Variants in APBA1 observed in about 807,000 individuals in gnomAD.
APBA1 encodes the protein amyloid beta precursor protein binding family A member 1.
In APBA1, 55 loss-of-function variants were observed where a neutral mutation model predicts 86.6. That is an observed-to-expected ratio of 0.64 (90% CI 0.51 to 0.80). The LOEUF is 0.80. Among genes scored for constraint, APBA1 ranks in the 30% least tolerant of loss-of-function variants. APBA1 has a pLI of 0.00. For synonymous variants in APBA1, 511 were observed against 493.9 expected, an observed-to-expected ratio of 1.03 and a Z score of -0.46; for missense variants, 1,090 against 1,183.0, an observed-to-expected ratio of 0.92 and a Z score of 1.15.
intron 1 of APBA1, among the ~76,000 whole-genome samples, chr9:69,643,795 G>C (rs192589888): frequency 6.6e-6 from 1 of 152,186 alleles, no homozygotes; most frequent in Non-Finnish European, 1.5e-5. Flanking sequence ...ATGGAGCAGA[G>C]AAGAAATGAT....
chr9:69,595,968 A>T (rs1282514490), intron 1 of APBA1, among the ~76,000 whole-genome samples: 1 of 151,958 alleles, frequency 6.6e-6, no homozygotes, highest in African/African-American at 2.4e-5. Flanking sequence ...TTATTGATTG[A>T]TTGTTTTGTT....
At chr9:69,561,630 AT>A (rs202003478) in intron 1 of APBA1, among the ~76,000 whole-genome samples, 5,231 of 142,512 alleles carry the variant, frequency 0.037, 284 homozygotes, top group African/African-American at 0.12. Flanking sequence ...TATCTACAGG[AT>A]TTTTTTTTTT....
At chr9:69,595,798 T>C (rs1822215636) in intron 1 of APBA1, among the ~76,000 whole-genome samples, 1 of 152,112 alleles carries the variant, frequency 6.6e-6, no homozygotes, top group South Asian at 2.1e-4. Flanking sequence ...AGGGTAGCTC[T>C]TTCAGTATCT....
intron 10 of APBA1, among the ~76,000 whole-genome samples, chr9:69,442,398 C>T (rs1056269089): frequency 6.6e-6 from 1 of 151,950 alleles, no homozygotes; most frequent in East Asian, 1.9e-4. Flanking sequence ...GGACTCCCAT[C>T]TATAAGGCCA....
Position 69,497,825 on chromosome 9 carries a change from G to A in APBA1, c.1200+18186C>T, listed in dbSNP as rs142641142. Among the ~76,000 whole-genome samples the A allele has an allele frequency of 4.0e-3, 611 of 152,114 alleles. 7 individuals are homozygous for A. The highest frequency in any genetic ancestry group is 0.014 in the African/African-American group (589 of 41,496). The stretch of plus-strand genomic sequence containing the variant: ...GGTTTCATCGTCCATCGGTCACTTC[G>A]GGATCTGCAAATCTGCCTCATCTCA... On this transcript the variant is annotated intron_variant, in intron 2 of 12. Coordinates refer to ENST00000265381, the MANE Select transcript of APBA1 (RefSeq NM_001163.4).
chr9:69,528,560 T>C (rs1178324046), intron 1 of APBA1, among the ~76,000 whole-genome samples: 1 of 152,090 alleles, frequency 6.6e-6, no homozygotes, highest in East Asian at 1.9e-4. Flanking sequence ...TGGTATAAAA[T>C]CAAAAATACC....
intron 1 of APBA1, among the ~76,000 whole-genome samples, chr9:69,538,689 T>C (rs1226461151): frequency 6.6e-6 from 1 of 152,236 alleles, no homozygotes; most frequent in South Asian, 2.1e-4. Flanking sequence ...TCCTGACTCC[T>C]GATCCAAGAC....
At chr9:69,537,811 G>A (rs1453916830) in intron 1 of APBA1, among the ~76,000 whole-genome samples, 1 of 151,750 alleles carries the variant, frequency 6.6e-6, no homozygotes, top group African/African-American at 2.4e-5. Flanking sequence ...CTTGCCAGGA[G>A]GCTTTTTAAC....
chr9:69,481,997 A>C (rs1488247614), intron 2 of APBA1, among the ~76,000 whole-genome samples: 2 of 150,982 alleles, frequency 1.3e-5, no homozygotes, highest in African/African-American at 4.9e-5. Context: ...CTTAAACGTT[A>C]GACCTAAAAC....
At chr9:69,576,103 A>T (rs949378986) in intron 1 of APBA1, among the ~76,000 whole-genome samples, 5 of 152,244 alleles carry the variant, frequency 3.3e-5, no homozygotes, top group Non-Finnish European at 7.3e-5. Flanking sequence ...AGACACATGA[A>T]AAAATGCTCA....
chr9:69,588,241 G>T (rs1374245731), intron 1 of APBA1, among the ~76,000 whole-genome samples: 1 of 152,174 alleles, frequency 6.6e-6, no homozygotes, highest in East Asian at 1.9e-4. Flanking sequence ...TAAGAAAGGG[G>T]TTGGCATATT....
At chr9:69,667,780 T>C (rs905950816) in intron 1 of APBA1, among the ~76,000 whole-genome samples, 1 of 151,994 alleles carries the variant, frequency 6.6e-6, no homozygotes, top group African/African-American at 2.4e-5. Context: ...TCCCAACTTA[T>C]TGAAAATGAA....
chr9:69,448,061 G>C lies in APBA1; in HGVS notation c.2181+1523C>G, dbSNP rs552706895. On this transcript the variant is annotated intron_variant, in intron 10 of 12. Transcript: ENST00000265381. ...CAATCACAGCAACACCAGACCAGCC[G>C]TTCCGGGCCAGGCTCAGACCCCATC... Among the ~76,000 whole-genome samples the C allele has an allele frequency of 2.6e-5, 4 of 151,242 alleles. No individual in the cohort carries two copies. The East Asian group carries it at 8.0e-4, about 30-fold the overall frequency.
chr9:69,603,699 A>G (rs1822401350), intron 1 of APBA1, among the ~76,000 whole-genome samples: 1 of 152,256 alleles, frequency 6.6e-6, no homozygotes, highest in Admixed American at 6.5e-5. Flanking sequence ...AGTAGGCCAT[A>G]AGGCCAAAGT....
chr9:69,646,815 T>C (rs1305252721), intron 1 of APBA1, among the ~76,000 whole-genome samples: 1 of 152,168 alleles, frequency 6.6e-6, no homozygotes, highest in Non-Finnish European at 1.5e-5. Context: ...CTCATTTGGT[T>C]CCTAAAATGG....
At chr9:69,667,184 T>C (rs1004508715) in intron 1 of APBA1, among the ~76,000 whole-genome samples, 4 of 152,232 alleles carry the variant, frequency 2.6e-5, no homozygotes, top group African/African-American at 9.6e-5. Flanking sequence ...AGTCTTTTAT[T>C]TGGATAATTT....
At position 69,476,117 on chromosome 9, in the gene APBA1, G is replaced by C; in HGVS notation, c.1227C>G (p.Pro409=). 3.7e-6 allele frequency: 6 copies of C among 1,613,930 alleles called. No individual in the cohort carries two copies. The East Asian group carries it at 6.7e-5, about 18-fold the overall frequency. Residue 409 remains proline (P), a synonymous_variant, in exon 3 of 13, where the codon CCC becomes CCG. Coordinates refer to ENST00000265381, the MANE Select transcript of APBA1 (RefSeq NM_001163.4). ...GDSPSPGSSS[P]LGAESSSTSL... ...ATGTGCTTGATGACTCTGCACCCAA[G>C]GGGGAGGAGCTGCCAGGAGACGGAG...
At chr9:69,442,233 AC>A (rs1834836164) in intron 10 of APBA1, among the ~76,000 whole-genome samples, 1 of 151,910 alleles carries the variant, frequency 6.6e-6, no homozygotes, top group Admixed American at 6.6e-5. Context: ...GTGCCTTCCC[AC>A]CCCTTTCAAG....
At chr9:69,544,637 A>C (rs1836668218) in intron 1 of APBA1, among the ~76,000 whole-genome samples, 1 of 152,226 alleles carries the variant, frequency 6.6e-6, no homozygotes, top group South Asian at 2.1e-4. Flanking sequence ...CCCACAAAAG[A>C]ATAGCCTTAC....
Sources: allele counts gnomAD v4.1 joint callset (sites outside exome capture counted in the v4.1 genomes callset), GRCh38; gene constraint gnomAD v4.1.1; transcripts MANE v1.5; gene names NCBI Gene and HGNC (gene_info 2026-07-23, HGNC 2026-07-21).